Variants in RNF150 observed in about 807,000 individuals in gnomAD.
RNF150 encodes ring finger protein 150.
Under a neutral mutation model 39.3 loss-of-function variants are expected in RNF150, and 24 were observed. That is an observed-to-expected ratio of 0.61 (90% CI 0.44 to 0.86). The LOEUF (loss-of-function observed/expected upper bound fraction) is 0.86. RNF150 is among the 40% of genes least tolerant of loss of function. The probability of loss-of-function intolerance (pLI) is 0.00; values close to 1 mark genes in which losing one functional copy is unlikely to be tolerated. For synonymous variants in RNF150, 255 were observed against 227.3 expected, an observed-to-expected ratio of 1.12 and a Z score of -1.10; for missense variants, 502 against 587.8, an observed-to-expected ratio of 0.85 and a Z score of 1.51.
intron 5 of RNF150, among the ~76,000 whole-genome samples, chr4:140,913,657 T>G (rs11732171): frequency 0.55 from 83,623 of 152,032 alleles, 23,519 homozygotes; most frequent in East Asian, 0.89. Flanking sequence ...GCTGTATGGC[T>G]ATTGTTAATG....
intron 2 of RNF150, 108 bp downstream of exon 2, chr4:140,967,515 T>C (rs1396353623): frequency 8.9e-6 from 7 of 783,250 alleles, no homozygotes; most frequent in Non-Finnish European, 1.4e-5. Flanking sequence ...GTGTTTATCT[T>C]GAGTGGGGAT....
chr4:140,926,946 C>T (rs1044448345), intron 4 of RNF150, among the ~76,000 whole-genome samples: 5 of 152,206 alleles, frequency 3.3e-5, no homozygotes, highest in African/African-American at 1.2e-4. Flanking sequence ...ACATTCCATG[C>T]ATGACTGACT....
At chr4:141,204,490 T>C (rs867237997) in intron 1 of RNF150, among the ~76,000 whole-genome samples, 24 of 152,208 alleles carry the variant, frequency 1.6e-4, no homozygotes, top group African/African-American at 4.8e-4. Context: ...ACTTATTATA[T>C]AGTAGACACT....
intron 6 of RNF150, among the ~76,000 whole-genome samples, chr4:140,878,164 GTTTTTTTTTT>G (rs58338048): frequency 1.1e-5 from 1 of 90,504 alleles, no homozygotes; most frequent in Non-Finnish European, 2.2e-5. Context: ...ATCTCATTGT[GTTTTTTTTTT>G]TTTTTTTTTT....
intron 3 of RNF150, among the ~76,000 whole-genome samples, chr4:140,948,348 A>C (rs1019974622): frequency 6.6e-6 from 1 of 152,240 alleles, no homozygotes; most frequent in Non-Finnish European, 1.5e-5. Context: ...GAAATAAATC[A>C]TTCAGATTAG....
chr4:141,091,394 C>T (rs1435193176), intron 1 of RNF150, among the ~76,000 whole-genome samples: 2 of 152,070 alleles, frequency 1.3e-5, no homozygotes, highest in East Asian at 3.8e-4. Context: ...AATCAAATGA[C>T]AACATGATAT....
At position 141,189,856 on chromosome 4, in the gene RNF150, G is replaced by A. The variant is rs995524589; in HGVS notation, c.-6+22938C>T. Among the ~76,000 whole-genome samples, 18 of 152,180 alleles carry A rather than the reference G, an allele frequency of 1.2e-4. No homozygotes were observed. The South Asian group carries it at 3.7e-3, about 32-fold the overall frequency. On this transcript the variant is annotated intron_variant, in intron 1 of 7. Coordinates refer to the RNF150 transcript ENST00000420921. ...GGGGTCCGTGGGAGTGGGACCCACTGAGCAAGACCACTTGGCTCCCTGGCT... is the reference window on the plus strand; with the variant it reads ...GGGGTCCGTGGGAGTGGGACCCACTAAGCAAGACCACTTGGCTCCCTGGCT...
chr4:141,080,236 C>T (rs952573092), intron 1 of RNF150, among the ~76,000 whole-genome samples: 2 of 152,182 alleles, frequency 1.3e-5, no homozygotes, highest in African/African-American at 4.8e-5. Context: ...AATCCCACTG[C>T]CTCTTCTTTT....
intron 6 of RNF150, among the ~76,000 whole-genome samples, chr4:140,894,476 T>C (rs1418973983): frequency 6.6e-6 from 1 of 152,242 alleles, no homozygotes. Context: ...ATCATGCTGC[T>C]GCTTTTTGGG....
intron 1 of RNF150, among the ~76,000 whole-genome samples, chr4:141,155,734 C>T (rs1727382168): frequency 6.6e-6 from 1 of 152,068 alleles, no homozygotes; most frequent in African/African-American, 2.4e-5. Flanking sequence ...CATGCAGTGC[C>T]CAGTCCTGTA....
intron 6 of RNF150, among the ~76,000 whole-genome samples, chr4:140,901,170 T>C (rs1730172822): frequency 6.6e-6 from 1 of 152,236 alleles, no homozygotes; most frequent in South Asian, 2.1e-4. Context: ...TAGCAGGGCA[T>C]TTGCAGAAAT....
intron 1 of RNF150, among the ~76,000 whole-genome samples, chr4:141,202,901 G>C (rs1560777286): frequency 6.6e-6 from 1 of 151,754 alleles, no homozygotes; most frequent in South Asian, 2.1e-4. Flanking sequence ...ATAAAGAATA[G>C]AGTGGCAATA....
rs963235813 is a variant in RNF150 at position 140,861,695 on chromosome 4, C to T, written c.*6566G>A. On this transcript the variant is annotated 3_prime_UTR_variant, in exon 7 of 7. Transcript: ENST00000515673. ...ACAGGCAACAGTTTTGTATCTTCTT[C>T]GAAAGAGCAGGATATACTATATTTA... 1 of 152,132 alleles carries T rather than the reference C, an allele frequency of 6.6e-6. No homozygotes were observed. Among genetic ancestry groups the T allele is most frequent in the Admixed American group, 6.5e-5 (1 of 15,278 alleles). The allele number at this position is 152,132 out of a possible 1,614,324, so 9.4% of individuals were successfully genotyped here.
At chr4:141,073,029 T>C (rs1737763715) in intron 1 of RNF150, among the ~76,000 whole-genome samples, 1 of 152,066 alleles carries the variant, frequency 6.6e-6, no homozygotes, top group Admixed American at 6.6e-5. Context: ...ACAAGTTCCA[T>C]TATCTGTGAT....
At chr4:141,066,432 T>A (rs1171536986) in intron 1 of RNF150, among the ~76,000 whole-genome samples, 1 of 152,194 alleles carries the variant, frequency 6.6e-6, no homozygotes, top group Non-Finnish European at 1.5e-5. Context: ...CACTGAAGCC[T>A]AATCTTAAAA....
At chr4:141,195,588 A>G (rs937523051) in intron 1 of RNF150, among the ~76,000 whole-genome samples, 89 of 152,282 alleles carry the variant, frequency 5.8e-4, no homozygotes, top group Non-Finnish European at 1.2e-4. Context: ...TAATCTGCAA[A>G]ATGACCTACT....
At chr4:141,089,326 C>T (rs920559566) in intron 1 of RNF150, among the ~76,000 whole-genome samples, 8 of 151,996 alleles carry the variant, frequency 5.3e-5, no homozygotes, top group African/African-American at 1.9e-4. Flanking sequence ...TATGGACCAG[C>T]GACTCTGGTT....
At chr4:141,086,297 TAA>T (rs1182589377) in intron 1 of RNF150, among the ~76,000 whole-genome samples, 1 of 152,258 alleles carries the variant, frequency 6.6e-6, no homozygotes, top group African/African-American at 2.4e-5. Context: ...TATAGATTTC[TAA>T]AAGTTTCATA....
At chr4:141,174,551 G>A (rs1471263085) in intron 1 of RNF150, among the ~76,000 whole-genome samples, 1 of 152,114 alleles carries the variant, frequency 6.6e-6, no homozygotes, top group Non-Finnish European at 1.5e-5. Context: ...CTGTTGACTT[G>A]GCAGAAGTAG....
Sources: allele counts gnomAD v4.1 joint callset (sites outside exome capture counted in the v4.1 genomes callset), GRCh38; gene constraint gnomAD v4.1.1; transcripts MANE v1.5; gene names NCBI Gene and HGNC (gene_info 2026-07-23, HGNC 2026-07-21).